The following ASIP variants were observed in gnomAD, a reference collection of about 807,000 sequenced individuals.
ASIP encodes the protein agouti-signaling protein.
Under a neutral mutation model 10.3 loss-of-function variants are expected in ASIP, and 11 were observed. That is an observed-to-expected ratio of 1.07 (90% confidence interval 0.68 to 1.78). The LOEUF (loss-of-function observed/expected upper bound fraction) is 1.78, where lower values mean the gene tolerates loss of function less well. Among genes scored for constraint, ASIP ranks in the 40% most tolerant of loss-of-function variants. The pLI is 0.00. For synonymous variants in ASIP, 70 were observed against 70.8 expected (o/e 0.99, Z 0.06); for missense variants, 180 against 169.2 (o/e 1.06, Z -0.35).
At chr20:34,252,850 C>T (rs935626459) in intron 1 of ASIP, among the ~76,000 whole-genome samples, 2 of 152,158 alleles carry the variant, frequency 1.3e-5, no homozygotes, top group Non-Finnish European at 2.9e-5. Flanking sequence ...CCTGGTTAAT[C>T]GAGAATGGAG....
At chr20:34,202,204 G>A (rs753586073) in intron 1 of ASIP, among the ~76,000 whole-genome samples, 1 of 151,904 alleles carries the variant, frequency 6.6e-6, no homozygotes, top group Non-Finnish European at 1.5e-5. Flanking sequence ...TGAACTTTCT[G>A]CAATAATGGA....
chr20:34,196,987 C>CTTTTT (rs74271768), intron 1 of ASIP, among the ~76,000 whole-genome samples: 1 of 135,530 alleles, frequency 7.4e-6, no homozygotes, highest in African/African-American at 2.7e-5. Context: ...CTTAAACATT[C>CTTTTT]TTTTTTTTTT....
intron 1 of ASIP, among the ~76,000 whole-genome samples, chr20:34,217,642 A>G (rs2035018104): frequency 6.6e-6 from 1 of 151,088 alleles, no homozygotes; most frequent in African/African-American, 2.4e-5. Flanking sequence ...GCTCACTGCA[A>G]CCTCCGCCTC....
chr20:34,247,370 G>A (rs1200399160), intron 1 of ASIP, among the ~76,000 whole-genome samples: 4 of 146,004 alleles, frequency 2.7e-5, no homozygotes, highest in East Asian at 2.0e-4. Context: ...GTGTGATCTC[G>A]GCTCACTGCA....
rs1001038772 is a variant in ASIP at position 34,214,292 on chromosome 20, T to C, written c.-11+19532T>C. 3 of 1,384,896 alleles carry C rather than the reference T, an allele frequency of 2.2e-6. No individual in the cohort carries two copies. In the African/African-American group the frequency reaches 4.3e-5, roughly 20 times the overall value. 85.8% of individuals were successfully genotyped at this position (1,384,896 alleles called of 1,614,324 possible). ...GACCTCTGTGATCTAAGAAAGCCAT[T>C]AGTACACATGGAACGTGCTGAGGTT... On this transcript the variant is annotated intron_variant, in intron 1 of 3. Coordinates refer to the ASIP transcript ENST00000568305.
chr20:34,210,560 G>A (rs2034967959), intron 1 of ASIP, among the ~76,000 whole-genome samples: 1 of 152,214 alleles, frequency 6.6e-6, no homozygotes, highest in Admixed American at 6.5e-5. Flanking sequence ...GCCTTTGGCA[G>A]GCATGGGATC....
upstream of ASIP, among the ~76,000 whole-genome samples, chr20:34,238,782 G>T (rs984925269): frequency 2.0e-5 from 3 of 152,106 alleles, no homozygotes; most frequent in South Asian, 2.1e-4. Context: ...TAGAAACCAG[G>T]TTCTCCCCTT....
At chr20:34,252,420 G>A (rs1273863181) in intron 1 of ASIP, among the ~76,000 whole-genome samples, 1 of 152,206 alleles carries the variant, frequency 6.6e-6, no homozygotes, top group African/African-American at 2.4e-5. Flanking sequence ...ACTGTGCCTG[G>A]ATGTGCACGT....
intron 1 of ASIP, among the ~76,000 whole-genome samples, chr20:34,201,018 T>C (rs1438628168): frequency 1.5e-5 from 1 of 67,636 alleles, no homozygotes; most frequent in Non-Finnish European, 2.6e-5. Flanking sequence ...CCTTCCTTCC[T>C]TCTTTCTTTC....
rs149849827 is a variant in ASIP at position 34,213,498 on chromosome 20, T to C, written c.-11+18738T>C. 287 of 1,443,418 alleles carry C rather than the reference T, an allele frequency of 2.0e-4. 1 individual carries two copies. In the African/African-American group the frequency reaches 3.6e-3, roughly 18 times the overall value. 89.4% of individuals were successfully genotyped at this position (1,443,418 alleles called of 1,614,324 possible). A position where few individuals can be genotyped will look rare whatever the true frequency, so the allele number is the denominator to read the frequency against. On this transcript the variant is annotated intron_variant, in intron 1 of 3. Transcript: ENST00000568305. ...AGTGAACACTGAAAAAGTCTGTCTC[T>C]AAAGCAGCAGACTGGTCATTTTCTT...
intron 1 of ASIP, among the ~76,000 whole-genome samples, chr20:34,217,822 A>G (rs1224160091): frequency 6.6e-6 from 1 of 152,204 alleles, no homozygotes; most frequent in African/African-American, 2.4e-5. Flanking sequence ...TCGGCCTCCC[A>G]AAGTACTGGG....
chr20:34,253,329 A>T (rs1403152909), intron 1 of ASIP, among the ~76,000 whole-genome samples: 4 of 150,862 alleles, frequency 2.7e-5, no homozygotes, highest in Non-Finnish European at 5.9e-5. Flanking sequence ...GATGGTCTTG[A>T]TCTCCTGACC....
intron 3 of ASIP, among the ~76,000 whole-genome samples, chr20:34,267,572 C>A (rs1031231192): frequency 7.3e-5 from 11 of 151,010 alleles, no homozygotes; most frequent in Non-Finnish European, 1.5e-4. Flanking sequence ...GCTCTTGTTG[C>A]CCAGGCTGGA....
intron 1 of ASIP, chr20:34,235,161 G>GC (rs2035162638): frequency 6.6e-6 from 1 of 152,402 alleles, no homozygotes; most frequent in Non-Finnish European, 1.5e-5. Flanking sequence ...ATCTGCTTCA[G>GC]CCGGGCGCAG....
At chr20:34,235,944 A>AGAAT (rs2035197434) in intron 1 of ASIP, among the ~76,000 whole-genome samples, 2 of 119,248 alleles carry the variant, frequency 1.7e-5, no homozygotes, top group Admixed American at 7.7e-5. Context: ...GAGGGAGGGA[A>AGAAT]GAAGGAAGGA....
At chr20:34,210,688 A>G (rs1322834739) in intron 1 of ASIP, among the ~76,000 whole-genome samples, 1 of 152,224 alleles carries the variant, frequency 6.6e-6, no homozygotes, top group Non-Finnish European at 1.5e-5. Context: ...CCAGCCAGAA[A>G]AGTGACACCC....
intron 3 of ASIP, among the ~76,000 whole-genome samples, chr20:34,267,480 A>AAAAG: frequency 6.6e-6 from 1 of 151,454 alleles, no homozygotes; most frequent in African/African-American, 2.4e-5. Context: ...AAAAAAAAAA[A>AAAAG]AAAGAACTGT....
At chr20:34,227,505 C>A (rs1267769589) in intron 1 of ASIP, among the ~76,000 whole-genome samples, 1 of 151,964 alleles carries the variant, frequency 6.6e-6, no homozygotes, top group Non-Finnish European at 1.5e-5. Context: ...ATGGTGCACA[C>A]CTGCAGTCCC....
chr20:34,219,916 C>T (rs921443272), intron 1 of ASIP, among the ~76,000 whole-genome samples: 13 of 152,022 alleles, frequency 8.6e-5, no homozygotes, highest in Non-Finnish European at 1.8e-4. Context: ...GGTGAAACCC[C>T]GTCTCTACTA....
Sources: allele counts gnomAD v4.1 joint callset (sites outside exome capture counted in the v4.1 genomes callset), GRCh38; gene constraint gnomAD v4.1.1; transcripts MANE v1.5; gene names NCBI Gene and HGNC (gene_info 2026-07-23, HGNC 2026-07-21).